Variants in CADM2 observed in about 807,000 individuals in gnomAD.
The protein encoded by CADM2 is immunoglobulin superfamily member 4D.
A neutral mutation model predicts 49.8 loss-of-function variants in CADM2; 12 were observed. That is an observed-to-expected ratio of 0.24 (90% CI 0.15 to 0.39). CADM2 has a LOEUF of 0.39. Ranked by LOEUF, CADM2 falls within the 10% of genes least tolerant of loss-of-function variation. The pLI is 1.00. For missense variants in CADM2, 378 were observed against 492.3 expected (o/e 0.77, Z 2.20); for synonymous variants, 214 against 175.4 (o/e 1.22, Z -1.74).
chr3:85,585,169 G>T (rs371257363), intron 1 of CADM2, among the ~76,000 whole-genome samples: 1 of 151,864 alleles, frequency 6.6e-6, no homozygotes, highest in African/African-American at 2.4e-5. Context: ...TATCCACTCT[G>T]TTGAAACCAC....
At chr3:85,908,256 T>TTC (rs570901629) in intron 5 of CADM2, among the ~76,000 whole-genome samples, 17,946 of 95,688 alleles carry the variant, frequency 0.19, 1,446 homozygotes, top group African/African-American at 0.27. Flanking sequence ...TTTTTCTTCT[T>TTC]TTTTTTTTTT....
chr3:85,768,470 T>TAAATAAATA (rs11456585), intron 2 of CADM2, among the ~76,000 whole-genome samples: 49 of 143,798 alleles, frequency 3.4e-4, no homozygotes, highest in African/African-American at 1.2e-3. Context: ...AATAAATAAA[T>TAAATAAATA]AATAAATAAA....
At chr3:86,013,273 G>A (rs1462344328) in intron 8 of CADM2, 129 of 1,520,374 alleles carry the variant, frequency 8.5e-5, no homozygotes, top group Non-Finnish European at 1.1e-4. Context: ...GAAGAAGAGG[G>A]TGAAGGGCAA....
At chr3:85,028,429 C>T (rs975823480) in intron 1 of CADM2, among the ~76,000 whole-genome samples, 3 of 152,114 alleles carry the variant, frequency 2.0e-5, no homozygotes, top group Middle Eastern at 3.4e-3. Context: ...TTCATATAAA[C>T]CATGCTATTT....
intron 1 of CADM2, among the ~76,000 whole-genome samples, chr3:85,651,603 AAG>A (rs1220311808): frequency 5.3e-5 from 8 of 152,156 alleles, no homozygotes; most frequent in African/African-American, 1.7e-4. Flanking sequence ...AGAAATTGAA[AAG>A]AGAGTACAAT....
At chr3:85,382,834 C>T (rs1255511137) in intron 1 of CADM2, among the ~76,000 whole-genome samples, 1 of 152,080 alleles carries the variant, frequency 6.6e-6, no homozygotes, top group Non-Finnish European at 1.5e-5. Context: ...TATTATACTA[C>T]CATATTCTTT....
intron 1 of CADM2, among the ~76,000 whole-genome samples, chr3:85,271,481 G>C (rs896794205): frequency 6.6e-6 from 1 of 151,128 alleles, no homozygotes; most frequent in Non-Finnish European, 1.5e-5. Context: ...AACAGAAGGC[G>C]TTTCCCAAAT....
intron 1 of CADM2, among the ~76,000 whole-genome samples, chr3:85,484,851 T>G (rs2039353620): frequency 6.6e-6 from 1 of 151,942 alleles, no homozygotes; most frequent in South Asian, 2.1e-4. Context: ...AACACAAATT[T>G]AACATATTTT....
intron 1 of CADM2, among the ~76,000 whole-genome samples, chr3:85,380,242 A>T (rs1280029664): frequency 6.6e-6 from 1 of 152,032 alleles, no homozygotes; most frequent in Non-Finnish European, 1.5e-5. Context: ...AATACCAATG[A>T]TTTAGAATCG....
chr3:85,005,390 A>G (rs1042687172), intron 1 of CADM2, among the ~76,000 whole-genome samples: 1 of 152,126 alleles, frequency 6.6e-6, no homozygotes, highest in Admixed American at 6.6e-5. Flanking sequence ...TTAAAACTGC[A>G]TGGTACATCA....
intron 1 of CADM2, among the ~76,000 whole-genome samples, chr3:85,601,169 T>TACACAC (rs1459878927): frequency 1.2e-4 from 9 of 75,892 alleles, no homozygotes; most frequent in Non-Finnish European, 1.8e-4. Flanking sequence ...TATATATATA[T>TACACAC]ATATACACAC....
At chr3:85,165,562 C>A (rs2040450969) in intron 1 of CADM2, among the ~76,000 whole-genome samples, 1 of 151,770 alleles carries the variant, frequency 6.6e-6, no homozygotes, top group South Asian at 2.1e-4. Context: ...TAGTGACTTA[C>A]ACTTTTGATA....
chr3:85,485,047 T>C (rs2039363087), intron 1 of CADM2, among the ~76,000 whole-genome samples: 1 of 151,906 alleles, frequency 6.6e-6, no homozygotes, highest in Admixed American at 6.6e-5. Flanking sequence ...GAAGAGTCTG[T>C]TTTTAACATA....
intron 1 of CADM2, among the ~76,000 whole-genome samples, chr3:85,531,588 T>C (rs915217698): frequency 2.0e-5 from 3 of 152,204 alleles, no homozygotes; most frequent in Non-Finnish European, 2.9e-5. Context: ...ATTCCTCCTG[T>C]GTTTATTTGC....
intron 1 of CADM2, among the ~76,000 whole-genome samples, chr3:85,631,120 G>C (rs1403040716): frequency 6.6e-6 from 1 of 151,764 alleles, no homozygotes. Context: ...CTGTTCTTTG[G>C]GTAGTGACCA....
intron 1 of CADM2, among the ~76,000 whole-genome samples, chr3:85,423,752 A>G (rs1325340057): frequency 6.6e-6 from 1 of 152,184 alleles, no homozygotes; most frequent in African/African-American, 2.4e-5. Context: ...TCTCATTGCT[A>G]TGCATTCTCT....
intron 1 of CADM2, among the ~76,000 whole-genome samples, chr3:85,405,649 A>G (rs528191584): frequency 2.0e-3 from 299 of 152,246 alleles, no homozygotes; most frequent in Middle Eastern, 6.8e-3. Context: ...TAGCGTTCCT[A>G]TAGAAATTAA....
intron 3 of CADM2, among the ~76,000 whole-genome samples, chr3:85,871,257 G>A (rs1171171876): frequency 2.0e-5 from 3 of 152,098 alleles, no homozygotes; most frequent in Non-Finnish European, 4.4e-5. Flanking sequence ...ATATGCACAT[G>A]GCCAAAACAT....
intron 1 of CADM2, among the ~76,000 whole-genome samples, chr3:85,360,101 T>C (rs1301856166): frequency 1.3e-5 from 2 of 151,862 alleles, no homozygotes; most frequent in Non-Finnish European, 2.9e-5. Context: ...TTTTGGAAAA[T>C]ATCAAATAGA....
Sources: allele counts gnomAD v4.1 joint callset (sites outside exome capture counted in the v4.1 genomes callset), GRCh38; gene constraint gnomAD v4.1.1; transcripts MANE v1.5; gene names NCBI Gene and HGNC (gene_info 2026-07-23, HGNC 2026-07-21).